Variants in GSDMC observed in about 807,000 individuals in gnomAD.
The protein encoded by GSDMC is gasdermin-C.
In GSDMC, 59 loss-of-function variants were observed where a neutral mutation model predicts 58.0. The observed-to-expected ratio is 1.02, with a 90% confidence interval of 0.82 to 1.26. GSDMC has a LOEUF of 1.26. Ranked by LOEUF, GSDMC falls within the 50% of genes most tolerant of loss-of-function variation. The pLI is 0.00. For synonymous variants in GSDMC, 241 were observed against 220.2 expected, an observed-to-expected ratio of 1.09 and a Z score of -0.83; for missense variants, 659 against 598.5, an observed-to-expected ratio of 1.10 and a Z score of -1.06.
intron 6 of GSDMC, among the ~76,000 whole-genome samples, chr8:129,753,700 C>G (rs1278440065): frequency 6.6e-6 from 1 of 152,192 alleles, no homozygotes; most frequent in Non-Finnish European, 1.5e-5. Flanking sequence ...GCTCTTGGGG[C>G]CCTCAAGACC....
At chr8:129,778,948 G>C (rs1481891431) in intron 1 of GSDMC, among the ~76,000 whole-genome samples, 6 of 152,018 alleles carry the variant, frequency 3.9e-5, no homozygotes, top group African/African-American at 1.2e-4. Context: ...TTATTAAAAA[G>C]TCAAAAAATA....
chr8:129,725,301 G>A, the GSDMC span, among the ~76,000 whole-genome samples: 1 of 152,138 alleles, frequency 6.6e-6, no homozygotes, highest in Non-Finnish European at 1.5e-5. Context: ...TATCCTCCCT[G>A]GAACCTCAGG....
chr8:129,735,643 A>G, the GSDMC span, among the ~76,000 whole-genome samples: 1 of 152,238 alleles, frequency 6.6e-6, no homozygotes, highest in African/African-American at 2.4e-5. Context: ...AATCTCTGGG[A>G]CACATTTAAA....
At chr8:129,761,824 G>T (rs2033674152) in intron 5 of GSDMC, among the ~76,000 whole-genome samples, 1 of 152,158 alleles carries the variant, frequency 6.6e-6, no homozygotes, top group African/African-American at 2.4e-5. Context: ...AGACAGTTCA[G>T]CCTCATTCTG....
the GSDMC span, among the ~76,000 whole-genome samples, chr8:129,715,548 A>G: frequency 4.6e-5 from 7 of 152,328 alleles, no homozygotes; most frequent in East Asian, 1.3e-3. Context: ...AAAACTATCA[A>G]CCTAGAATTC....
intron 5 of GSDMC, 67 bp from the exon 6 acceptor site, chr8:129,760,656 A>T: frequency 2.1e-6 from 1 of 484,704 alleles, no homozygotes. Flanking sequence ...TAGACCAGGG[A>T]ACTCCTTATA....
the GSDMC span, among the ~76,000 whole-genome samples, chr8:129,719,520 CTT>C: frequency 5.1e-4 from 77 of 152,314 alleles, no homozygotes; most frequent in African/African-American, 1.8e-3. Context: ...TATCAACTAA[CTT>C]GACCAAATTA....
At chr8:129,763,772 G>A (rs376844676) in intron 4 of GSDMC, among the ~76,000 whole-genome samples, 29 of 152,034 alleles carry the variant, frequency 1.9e-4, no homozygotes, top group African/African-American at 7.0e-4. Flanking sequence ...TAGAGACAAG[G>A]TCTCACTATG....
chr8:129,733,749 C>A, the GSDMC span, among the ~76,000 whole-genome samples: 1 of 149,900 alleles, frequency 6.7e-6, no homozygotes, highest in Non-Finnish European at 1.5e-5. Context: ...TTCTAAAAAC[C>A]AGAGCGCCTC....
At chr8:129,772,400 A>G (rs904308482) in intron 3 of GSDMC, among the ~76,000 whole-genome samples, 1 of 152,126 alleles carries the variant, frequency 6.6e-6, no homozygotes, top group African/African-American at 2.4e-5. Flanking sequence ...ACAAACCAAG[A>G]AAGAAGAACT....
intron 3 of GSDMC, among the ~76,000 whole-genome samples, chr8:129,768,553 C>A (rs146012610): frequency 9.9e-5 from 15 of 152,156 alleles, no homozygotes; most frequent in African/African-American, 3.1e-4. Context: ...ATAAAGAATA[C>A]AGTAACTAAA....
intron 1 of GSDMC, among the ~76,000 whole-genome samples, chr8:129,778,628 A>G (rs1325581984): frequency 6.6e-6 from 1 of 152,222 alleles, no homozygotes; most frequent in Admixed American, 6.5e-5. Flanking sequence ...ATTAAACTTA[A>G]GAGCTTCTGC....
chr8:129,774,036 A>G (rs559380883), intron 3 of GSDMC, among the ~76,000 whole-genome samples: 5 of 152,288 alleles, frequency 3.3e-5, no homozygotes, highest in Admixed American at 2.6e-4. Flanking sequence ...GCCAATGACA[A>G]TCTTCACAGA....
chr8:129,764,458 T>A (rs763461822), intron 4 of GSDMC, among the ~76,000 whole-genome samples: 18 of 152,238 alleles, frequency 1.2e-4, no homozygotes, highest in Non-Finnish European at 2.6e-4. Flanking sequence ...AGGGGCTCAA[T>A]GTCCCCACTC....
chr8:129,732,099 C>T, the GSDMC span, among the ~76,000 whole-genome samples: 2 of 152,096 alleles, frequency 1.3e-5, no homozygotes, highest in African/African-American at 2.4e-5. Context: ...GGTCACTGGG[C>T]CACAAGGGGT....
chr8:129,756,250 G>A lies in GSDMC; in HGVS notation c.722-3430C>T, dbSNP rs183468559. 2.6e-3 allele frequency among the ~76,000 whole-genome samples: 377 copies of A among 146,722 alleles called. 3 individuals are homozygous for A. The highest frequency in any genetic ancestry group is 8.7e-3 in the African/African-American group (353 of 40,446). On this transcript the variant is annotated intron_variant, in intron 6 of 13. Coordinates refer to ENST00000276708, the MANE Select transcript of GSDMC (RefSeq NM_031415.3). ...ATAGATTTCAAGACAAAAACTGTAA[G>A]GAGAGACAAAAAAAGGTCATTATAT...
the GSDMC span, among the ~76,000 whole-genome samples, chr8:129,713,655 C>T: frequency 3.3e-5 from 5 of 152,150 alleles, no homozygotes; most frequent in Non-Finnish European, 7.4e-5. Flanking sequence ...AAGAAATAAA[C>T]ATGCGGTGAA....
chr8:129,722,654 G>A, the GSDMC span, among the ~76,000 whole-genome samples: 1 of 152,116 alleles, frequency 6.6e-6, no homozygotes. Flanking sequence ...ATATCCCAAT[G>A]CCTAACAGAG....
chr8:129,713,878 TCTGA>T, the GSDMC span, among the ~76,000 whole-genome samples: 1 of 152,256 alleles, frequency 6.6e-6, no homozygotes, highest in African/African-American at 2.4e-5. Context: ...GGGGATTTAT[TCTGA>T]CTAAGAGCAC....
Sources: allele counts gnomAD v4.1 joint callset (sites outside exome capture counted in the v4.1 genomes callset), GRCh38; gene constraint gnomAD v4.1.1; transcripts MANE v1.5; gene names NCBI Gene and HGNC (gene_info 2026-07-23, HGNC 2026-07-21).